Variants in CCNYL1 observed in about 807,000 individuals in gnomAD.
The protein encoded by CCNYL1 is cyclin-Y-like protein 1.
In CCNYL1, 16 loss-of-function variants were observed where a neutral mutation model predicts 44.2. The observed-to-expected ratio is 0.36, with a 90% CI of 0.25 to 0.55. The LOEUF is 0.55. Ranked by LOEUF, CCNYL1 falls within the 20% of genes least tolerant of loss-of-function variation. CCNYL1 has a pLI of 0.85. For synonymous variants in CCNYL1, 159 were observed against 163.2 expected (o/e 0.97, Z 0.20); for missense variants, 348 against 451.8 (o/e 0.77, Z 2.08).
At chr2:207,720,841 C>T (rs58258906) in intron 1 of CCNYL1, among the ~76,000 whole-genome samples, 19,656 of 152,036 alleles carry the variant, frequency 0.13, 2,219 homozygotes, top group East Asian at 0.39. Context: ...TAGATTGAGG[C>T]GTGAAGGTAA....
chr2:207,721,958 G>C (rs2091643573), intron 1 of CCNYL1, among the ~76,000 whole-genome samples: 1 of 152,058 alleles, frequency 6.6e-6, no homozygotes, highest in Admixed American at 6.6e-5. Context: ...TTGGCCAGCT[G>C]TAAGTCACAT....
intron 3 of CCNYL1, among the ~76,000 whole-genome samples, chr2:207,728,366 A>G (rs935267566): frequency 1.3e-5 from 2 of 150,246 alleles, no homozygotes; most frequent in East Asian, 2.0e-4. Context: ...TCCTTAACCT[A>G]CTGGGCTCAA....
intron 4 of CCNYL1, among the ~76,000 whole-genome samples, chr2:207,735,857 C>CT (rs1200192085): frequency 6.6e-6 from 1 of 151,860 alleles, no homozygotes; most frequent in Non-Finnish European, 1.5e-5. Context: ...GAGCAAGACT[C>CT]TGTCTCAAAA....
Position 207,712,069 on chromosome 2 carries a change from G to A in CCNYL1, c.173G>A (p.Gly58Asp). The change falls in exon 1 of 10, where the codon GGC becomes GAC. Residue 58 changes from glycine to aspartate, a missense_variant. Gly to Asp is a moderately conservative substitution (Grantham distance 94). This residue lies in a region of CCNYL1 where 209 missense variants were observed against 247.7 expected (regional missense o/e 0.84). Transcript: ENST00000295414. ...CCTGCCGAGTTGGATTTCGGAGAGG[G>A]CGAGGGCCACCACCTGCAGCACATC... ...VEPAELDFGE[G>D]EGHHLQHISD... The A allele has an allele frequency of 6.3e-7, 1 of 1,580,094 alleles. No homozygotes were observed. Among genetic ancestry groups the A allele is most frequent in the South Asian group, 1.1e-5 (1 of 88,592 alleles).
chr2:207,742,078 G>A (rs561639712), intron 6 of CCNYL1, 145 bp from the exon 7 acceptor site: 7 of 643,642 alleles, frequency 1.1e-5, no homozygotes, highest in Admixed American at 3.2e-5. Flanking sequence ...TTAAACCCGG[G>A]GGGTAGAGGT....
chr2:207,726,962 C>G (rs1157099020), intron 3 of CCNYL1, 86 bp downstream of exon 3: 2 of 899,230 alleles, frequency 2.2e-6, no homozygotes, highest in African/African-American at 3.5e-5. Context: ...AATGGGGACC[C>G]AATACTGTTA....
chr2:207,716,764 T>A (rs1451455443), intron 1 of CCNYL1, among the ~76,000 whole-genome samples: 2 of 152,236 alleles, frequency 1.3e-5, no homozygotes, highest in Non-Finnish European at 2.9e-5. Context: ...CCTGTAGAAT[T>A]CAGTTAAATC....
chr2:207,754,290 A>G lies in CCNYL1; in HGVS notation c.*592A>G, dbSNP rs1575227864. 1 of 152,654 alleles carries G rather than the reference A, an allele frequency of 6.6e-6. No individual in the cohort carries two copies. Among genetic ancestry groups the G allele is most frequent in the Admixed American group, 6.5e-5 (1 of 15,284 alleles). The allele number at this position is 152,654 out of a possible 1,614,324, so 9.5% of individuals were successfully genotyped here. ...AGCTGCTGGATAACATTTGTCATTCATATTCTTTGCAAGCATTACTTTAGC... is the reference window on the plus strand; with the variant it reads ...AGCTGCTGGATAACATTTGTCATTCGTATTCTTTGCAAGCATTACTTTAGC... On this transcript the variant is annotated 3_prime_UTR_variant, in exon 10 of 10. Coordinates refer to ENST00000295414, the MANE Select transcript of CCNYL1 (RefSeq NM_001330218.2).
rs140508399 is a variant in CCNYL1, at chr2:207,715,970, C to T, written c.220+3854C>T. ...GGATTACAGGTGTGAGCCACCACGC[C>T]TGGTCTCGTCAAGCTAAGAGATGCT... is the stretch of plus-strand genomic sequence containing the variant. On this transcript the variant is annotated intron_variant, in intron 1 of 9. Transcript: ENST00000295414. 9.8e-4 allele frequency among the ~76,000 whole-genome samples: 149 copies of T among 152,310 alleles called. No homozygotes were observed. In the Middle Eastern group the frequency reaches 0.01, roughly 10 times the overall value.
At position 207,740,717 on chromosome 2, in the gene CCNYL1, C is replaced by T; in HGVS notation, c.519+11C>T. 1 of 1,577,030 alleles carries T rather than the reference C, an allele frequency of 6.3e-7. No homozygotes were observed. The highest frequency in any genetic ancestry group is 1.1e-5 in the South Asian group (1 of 89,268). Reference sequence around the variant, plus strand: ...TCACATCCACTTACAGTAAGTGTCACTTTTTTTGAGGTAGTATTTTTCTCT... The same window carrying T: ...TCACATCCACTTACAGTAAGTGTCATTTTTTTTGAGGTAGTATTTTTCTCT... On this transcript the variant is annotated intron_variant, in intron 6 of 9. Coordinates refer to ENST00000295414, the MANE Select transcript of CCNYL1 (RefSeq NM_001330218.2).
rs369628467 is a variant in CCNYL1, at chr2:207,715,843, A to G, written c.220+3727A>G. ...AGGTGTGTGCCACCACGCCCAGCTA[A>G]TTTTTTGTGTTTTTAGTAGAGATGG... On this transcript the variant is annotated intron_variant, in intron 1 of 9. Transcript: ENST00000295414. Among the ~76,000 whole-genome samples the G allele has an allele frequency of 1.8e-3, 264 of 146,020 alleles. 8 individuals carry two copies. The South Asian group carries it at 0.057, about 31-fold the overall frequency.
In CCNYL1 at chr2:207,737,136, C is replaced by G. The variant is rs537923254; in HGVS notation, c.432-275C>G. On this transcript the variant is annotated intron_variant, in intron 4 of 9. Coordinates refer to ENST00000295414, the MANE Select transcript of CCNYL1 (RefSeq NM_001330218.2). Reference sequence around the variant, plus strand: ...TTCACCGTGTTAGCCAGGATGGTCTCGATCTCCTGACCTCGTGATCCACCT... The same window carrying G: ...TTCACCGTGTTAGCCAGGATGGTCTGGATCTCCTGACCTCGTGATCCACCT... Among the ~76,000 whole-genome samples the G allele has an allele frequency of 2.6e-5, 4 of 152,202 alleles. No homozygotes were observed. The South Asian group carries it at 6.2e-4, about 24-fold the overall frequency.
intron 3 of CCNYL1, among the ~76,000 whole-genome samples, chr2:207,729,276 CCCCA>C (rs1318147539): frequency 4.5e-5 from 5 of 111,504 alleles, no homozygotes; most frequent in East Asian, 4.2e-4. Context: ...ACCCCACCCC[CCCCA>C]CCCCCCCGCA....
Position 207,737,396 on chromosome 2 carries a change from T to G in CCNYL1, c.432-15T>G. On this transcript the variant is annotated splice_polypyrimidine_tract_variant and intron_variant, in intron 4 of 9. Coordinates refer to ENST00000295414, the MANE Select transcript of CCNYL1 (RefSeq NM_001330218.2). ...TAAATCAGTTGTTAAAAATAATTTT[T>G]TTTTCCCTTCACAGTGTGACCTTAG... 1 of 1,597,704 alleles carries G rather than the reference T, an allele frequency of 6.3e-7. No individual in the cohort carries two copies. The highest frequency in any genetic ancestry group is 8.6e-7 in the Non-Finnish European group (1 of 1,167,082).
rs941275493 is a variant in CCNYL1, at chr2:207,712,067, G to A, written c.171G>A (p.Glu57=). 1.9e-6 allele frequency: 3 copies of A among 1,577,004 alleles called. No individual in the cohort carries two copies. The highest frequency in any genetic ancestry group is 2.6e-6 in the Non-Finnish European group (3 of 1,163,632). ...VVEPAELDFG[E]GEGHHLQHIS... is the part of the protein sequence containing the mutation. ...AGCCTGCCGAGTTGGATTTCGGAGA[G>A]GGCGAGGGCCACCACCTGCAGCACA... Residue 57 remains glutamate, a synonymous_variant, in exon 1 of 10, where the codon GAG becomes GAA. Coordinates refer to ENST00000295414, the MANE Select transcript of CCNYL1 (RefSeq NM_001330218.2).
intron 3 of CCNYL1, 122 bp downstream of exon 3, chr2:207,726,998 C>T (rs1349446262): frequency 3.3e-6 from 2 of 600,536 alleles, no homozygotes; most frequent in Non-Finnish European, 5.5e-6. Flanking sequence ...TGTGGATTTT[C>T]TAAATCATTT....
intron 7 of CCNYL1, among the ~76,000 whole-genome samples, chr2:207,746,383 A>G (rs2091855236): frequency 6.6e-6 from 1 of 152,182 alleles, no homozygotes; most frequent in East Asian, 1.9e-4. Context: ...ATTACTATCT[A>G]CCATGCAAGT....
intron 1 of CCNYL1, among the ~76,000 whole-genome samples, chr2:207,722,421 A>G (rs540124464): frequency 1.5e-4 from 22 of 151,564 alleles, no homozygotes; most frequent in Non-Finnish European, 3.1e-4. Flanking sequence ...TGGTTTTCTT[A>G]TATTTAAATA....
chr2:207,726,624 A>G (rs939641783), intron 2 of CCNYL1, among the ~76,000 whole-genome samples: 8 of 152,366 alleles, frequency 5.3e-5, no homozygotes, highest in Middle Eastern at 3.4e-3. Context: ...ATTTCCATGT[A>G]ATAGAATATC....
Sources: gnomAD v4.1 joint callset for allele counts (sites outside exome capture counted in the v4.1 genomes callset) on GRCh38, gnomAD v4.1.1 for gene constraint, gnomAD v4.1.1 regional missense constraint, MANE v1.5 for transcripts, NCBI Gene and HGNC (gene_info 2026-07-23, HGNC 2026-07-21) for gene names.